The following APBA2 variants were observed in gnomAD, a reference collection of about 807,000 sequenced individuals.
The protein encoded by APBA2 is amyloid beta precursor protein binding family A member 2.
A neutral mutation model predicts 75.0 loss-of-function variants in APBA2; 30 were observed. The ratio of observed to expected loss-of-function variants is 0.40; its 90% CI spans 0.30 to 0.54. The LOEUF is 0.54. Ranked by LOEUF, APBA2 falls within the 20% of genes least tolerant of loss-of-function variation. APBA2 has a pLI of 0.49. For missense variants in APBA2, 801 were observed against 1,016.1 expected (o/e 0.79, Z 2.88); for synonymous variants, 444 against 409.6 (o/e 1.08, Z -1.01).
At chr15:28,911,266 C>T (rs780060347) in intron 1 of APBA2, among the ~76,000 whole-genome samples, 3 of 152,158 alleles carry the variant, frequency 2.0e-5, no homozygotes, top group Non-Finnish European at 4.4e-5. Context: ...CCACCTTTCA[C>T]TCTATTCAGT....
At chr15:29,088,277 C>T (rs567282637) in intron 6 of APBA2, among the ~76,000 whole-genome samples, 30 of 152,280 alleles carry the variant, frequency 2.0e-4, no homozygotes, top group African/African-American at 7.2e-4. Context: ...TTGCCCATGA[C>T]CTTCCTTGCA....
chr15:28,937,613 G>A (rs1184341679), intron 2 of APBA2, among the ~76,000 whole-genome samples: 1 of 152,086 alleles, frequency 6.6e-6, no homozygotes, highest in Non-Finnish European at 1.5e-5. Context: ...CGGGCTTCAG[G>A]GATTCCACTG....
chr15:29,011,613 C>T (rs933430368), intron 3 of APBA2, among the ~76,000 whole-genome samples: 3 of 152,186 alleles, frequency 2.0e-5, no homozygotes, highest in East Asian at 1.9e-4. Flanking sequence ...TCAGTACTTT[C>T]GATATATTCA....
chr15:29,050,842 A>C (rs1333021389), intron 3 of APBA2, among the ~76,000 whole-genome samples: 1 of 152,232 alleles, frequency 6.6e-6, no homozygotes, highest in Non-Finnish European at 1.5e-5. Context: ...AAGGATGTGC[A>C]TACCTTCAAC....
chr15:29,073,758 C>T (rs1293142599), intron 4 of APBA2, among the ~76,000 whole-genome samples: 1 of 152,170 alleles, frequency 6.6e-6, no homozygotes, highest in Non-Finnish European at 1.5e-5. Flanking sequence ...CATGCAGGCT[C>T]CGGAACCTCC....
At chr15:29,114,985 GGA>G (rs1182089288) in intron 14 of APBA2, among the ~76,000 whole-genome samples, 70 of 151,612 alleles carry the variant, frequency 4.6e-4, no homozygotes, top group African/African-American at 1.6e-3. Context: ...TGGGGTGTGA[GGA>G]GAGTGTGAGT....
At position 29,117,277 on chromosome 15, in the gene APBA2, C is replaced by G. The variant is rs553039293; in HGVS notation, c.*144C>G. On this transcript the variant is annotated 3_prime_UTR_variant, in exon 15 of 15. Coordinates refer to ENST00000683413, the MANE Select transcript of APBA2 (RefSeq NM_001353788.2). ...CCCCAAAGGGTGTGCCCTCACCACCCACTTGATTTTTTTCATTTTGCCAAA... is the reference window on the plus strand; with the variant it reads ...CCCCAAAGGGTGTGCCCTCACCACCGACTTGATTTTTTTCATTTTGCCAAA... 1.9e-4 allele frequency: 138 copies of G among 707,988 alleles called. No homozygotes were observed. The East Asian group carries it at 2.8e-3, about 15-fold the overall frequency. The allele number at this position is 707,988 out of a possible 1,614,324, so 43.9% of individuals were successfully genotyped here.
At chr15:28,889,742 C>G (rs556376993) in intron 1 of APBA2, among the ~76,000 whole-genome samples, 28 of 152,370 alleles carry the variant, frequency 1.8e-4, no homozygotes, top group African/African-American at 6.7e-4. Flanking sequence ...CTGTTCCCAC[C>G]CCCTTGGCAT....
intron 6 of APBA2, among the ~76,000 whole-genome samples, chr15:29,076,449 C>CTT (rs58395338): frequency 7.3e-5 from 10 of 137,554 alleles, no homozygotes; most frequent in African/African-American, 2.7e-4. Flanking sequence ...CAAATTCAGG[C>CTT]TTTTTTTTTT....
chr15:28,895,167 C>G lies in APBA2; in HGVS notation c.-205+8889C>G, dbSNP rs1452255007. The stretch of plus-strand genomic sequence containing the variant: ...TCACCCAGCCTTAACCTGTGCAGCT[C>G]CGCCAACTTACCCTCGGCACACAGG... On this transcript the variant is annotated intron_variant, in intron 1 of 14. Transcript: ENST00000683413. 3.3e-5 allele frequency among the ~76,000 whole-genome samples: 5 copies of G among 152,338 alleles called. No homozygotes were observed. In the East Asian group the frequency reaches 9.7e-4, roughly 29 times the overall value.
At chr15:28,983,793 A>AC in intron 2 of APBA2, among the ~76,000 whole-genome samples, 1 of 152,218 alleles carries the variant, frequency 6.6e-6, no homozygotes, top group Non-Finnish European at 1.5e-5. Context: ...CTCCCGAGAA[A>AC]CCCACCTCTG....
chr15:28,977,473 C>CGG, intron 2 of APBA2: 2 of 152,138 alleles, frequency 1.3e-5, no homozygotes, highest in Admixed American at 1.3e-4. Context: ...TTGTTCCTGG[C>CGG]CTCTAACAGC....
intron 2 of APBA2, among the ~76,000 whole-genome samples, chr15:28,984,084 T>G (rs1727026503): frequency 6.6e-6 from 1 of 152,160 alleles, no homozygotes; most frequent in Admixed American, 6.5e-5. Flanking sequence ...GTTACACTGC[T>G]GTGGGGTGCA....
Position 29,106,528 on chromosome 15 carries a change from G to A in APBA2, c.1705-79G>A. The A allele has an allele frequency of 5.3e-6, 8 of 1,497,038 alleles. 1 individual carries two copies. The South Asian group carries it at 9.2e-5, about 17-fold the overall frequency. 92.7% of individuals were successfully genotyped at this position (1,497,038 alleles called of 1,614,324 possible). ...GGCGGGATGTGCCAGGACAGGGTCA[G>A]CCTCATCCTCCTGTGGGTCCTTGGC... On this transcript the variant is annotated intron_variant, in intron 11 of 14. Transcript: ENST00000683413.
chr15:28,933,889 G>A (rs747294945), intron 2 of APBA2, among the ~76,000 whole-genome samples: 6 of 152,316 alleles, frequency 3.9e-5, no homozygotes, highest in South Asian at 4.1e-4. Flanking sequence ...CCACATGGGC[G>A]GAGCAGAGGG....
chr15:29,035,149 G>A (rs2077778), intron 3 of APBA2, among the ~76,000 whole-genome samples: 21,318 of 152,058 alleles, frequency 0.14, 1,655 homozygotes, highest in East Asian at 0.25. Context: ...AGGGGAGGGA[G>A]TGCTGCCTCT....
At chr15:29,107,351 G>A (rs936143562) in intron 12 of APBA2, among the ~76,000 whole-genome samples, 2 of 152,122 alleles carry the variant, frequency 1.3e-5, no homozygotes, top group African/African-American at 2.4e-5. Context: ...AAGGGTCACC[G>A]GCAGCTAGGG....
intron 1 of APBA2, among the ~76,000 whole-genome samples, chr15:28,908,531 G>C (rs929186778): frequency 6.6e-6 from 1 of 151,856 alleles, no homozygotes; most frequent in Non-Finnish European, 1.5e-5. Context: ...AGATGGTCTC[G>C]ATCTCCTGAC....
At chr15:29,042,126 C>G (rs951418873) in intron 3 of APBA2, among the ~76,000 whole-genome samples, 1 of 152,136 alleles carries the variant, frequency 6.6e-6, no homozygotes, top group African/African-American at 2.4e-5. Flanking sequence ...TTTGATGTTC[C>G]CTAGTTTAGA....
Sources: gnomAD v4.1 joint callset for allele counts (sites outside exome capture counted in the v4.1 genomes callset) on GRCh38, gnomAD v4.1.1 for gene constraint, MANE v1.5 for transcripts, NCBI Gene and HGNC (gene_info 2026-07-23, HGNC 2026-07-21) for gene names.